The following TGFB3 variants were observed in gnomAD, a reference collection of about 807,000 sequenced individuals.
TGFB3 encodes the protein transforming growth factor beta 3.
TGFB3 carries 5 observed loss-of-function variants against 40.1 expected under a neutral mutation model. That is an observed-to-expected ratio of 0.12 (90% CI 0.07 to 0.26). The LOEUF (loss-of-function observed/expected upper bound fraction) is 0.26, where lower values mean the gene tolerates loss of function less well. Ranked by LOEUF, TGFB3 falls within the 10% of genes least tolerant of loss-of-function variation. The pLI, the probability that TGFB3 is intolerant of heterozygous loss-of-function variation, is 1.00. For missense variants in TGFB3, 373 were observed against 530.1 expected (o/e 0.70, Z 2.91); for synonymous variants, 184 against 205.6 (o/e 0.89, Z 0.90).
In TGFB3 at chr14:75,958,252, C is replaced by T. The variant is rs548352440; in HGVS notation, c.*935G>A. On this transcript the variant is annotated 3_prime_UTR_variant, in exon 7 of 7. Transcript: ENST00000238682. ...AGTCTATGCGTCTGGGGCCAAGTCA[C>T]TGTGTGGCACATGTGCAGCTTCCCC... is the stretch of plus-strand genomic sequence containing the variant. 1 of 152,660 alleles carries T rather than the reference C, an allele frequency of 6.6e-6. No individual in the cohort carries two copies. Among genetic ancestry groups the T allele is most frequent in the Non-Finnish European group, 1.5e-5 (1 of 68,060 alleles). The allele number at this position is 152,660 out of a possible 1,614,324, so 9.5% of individuals were successfully genotyped here. A position where few individuals can be genotyped will look rare whatever the true frequency, so the allele number is the denominator to read the frequency against.
At chr14:75,959,658 C>A (rs1252493565) in intron 6 of TGFB3, among the ~76,000 whole-genome samples, 2 of 151,850 alleles carry the variant, frequency 1.3e-5, no homozygotes, top group Non-Finnish European at 2.9e-5. Flanking sequence ...GTAATCCCAG[C>A]TACTTGGGAG....
chr14:75,974,779 A>AAG lies in TGFB3; in HGVS notation c.353-3062_353-3061insCT, dbSNP rs1555361015. Among the ~76,000 whole-genome samples, 623 of 148,358 alleles carry AAG rather than the reference A, an allele frequency of 4.2e-3. 1 individual carries two copies. The highest frequency in any genetic ancestry group is 0.01 in the Middle Eastern group (3 of 294). ...GACTCCATCTCAAAAAAAAAAAAAA[A>AAG]AAGAAGAAGAAGAAGAAGAATTGGC... On this transcript the variant is annotated intron_variant, in intron 1 of 6. Transcript: ENST00000238682.
Position 75,980,898 on chromosome 14 carries a change from G to T in TGFB3, c.-5C>A. ...CCTTTGCAAGTGCATCTTCATGTGT[G>T]AGCTGGGAAGAGAGGCCAGGGGGAC... On this transcript the variant is annotated 5_prime_UTR_variant, in exon 1 of 7. Transcript: ENST00000238682. This position sits in a 1 kb window ranked among gnomAD's most constrained non-coding sequence, Gnocchi z 4.3. The T allele has an allele frequency of 6.2e-7, 1 of 1,613,524 alleles. No individual in the cohort carries two copies. Among genetic ancestry groups the T allele is most frequent in the Non-Finnish European group, 8.5e-7 (1 of 1,179,632 alleles).
chr14:75,958,694 A>C lies in TGFB3; in HGVS notation c.*493T>G. On this transcript the variant is annotated 3_prime_UTR_variant, in exon 7 of 7. Coordinates refer to ENST00000238682, the MANE Select transcript of TGFB3 (RefSeq NM_003239.5). ...TACAATTCTGGGACTTTGTCTTCGT[A>C]ACCTGTCTTTAAAAAAAAAAAAAAA... 1 of 210,508 alleles carries C rather than the reference A, an allele frequency of 4.8e-6. No homozygotes were observed. The highest frequency in any genetic ancestry group is 2.3e-5 in the African/African-American group (1 of 43,080). The allele number at this position is 210,508 out of a possible 1,614,324, so 13.0% of individuals were successfully genotyped here.
intron 6 of TGFB3, chr14:75,960,515 T>C: frequency 5.0e-6 from 1 of 198,230 alleles, no homozygotes. Context: ...CAAATTAGCT[T>C]CTTGTCCATC....
chr14:75,975,342 T>C (rs1304816414), intron 1 of TGFB3, among the ~76,000 whole-genome samples: 17 of 151,332 alleles, frequency 1.1e-4, no homozygotes, highest in Admixed American at 1.1e-3. Context: ...CACTCCAGGC[T>C]GGGTGACAGA....
Position 75,959,085 on chromosome 14 carries a change from C to T in TGFB3, c.*102G>A. 6.7e-7 allele frequency: 1 copy of T among 1,490,784 alleles called. No individual in the cohort carries two copies. The highest frequency in any genetic ancestry group is 9.3e-7 in the Non-Finnish European group (1 of 1,070,578). The allele number at this position is 1,490,784 out of a possible 1,614,324, so 92.3% of individuals were successfully genotyped here. A position where few individuals can be genotyped will look rare whatever the true frequency, so the allele number is the denominator to read the frequency against. ...TTTGCCCGGAGCCGAAGGTTGTGGG[C>T]TCCAGGCCTCTCAGTGAGGTTTGTT... On this transcript the variant is annotated 3_prime_UTR_variant, in exon 7 of 7. Coordinates refer to ENST00000238682, the MANE Select transcript of TGFB3 (RefSeq NM_003239.5).
At chr14:75,967,620 G>T (rs1218615805) in intron 3 of TGFB3, among the ~76,000 whole-genome samples, 1 of 152,204 alleles carries the variant, frequency 6.6e-6, no homozygotes, top group Non-Finnish European at 1.5e-5. Context: ...GTAAGCACAA[G>T]AGGGTGGCCT....
Position 75,971,847 on chromosome 14 carries a change from CG to C in TGFB3, c.353-130del, listed in dbSNP as rs2035298426. ...TCCCTAGAGGCTTGAGGCCTCAGACCGCAAGGTGGAGATACGAGGAAGATTC... is the reference window on the plus strand; with the variant it reads ...TCCCTAGAGGCTTGAGGCCTCAGACCCAAGGTGGAGATACGAGGAAGATTC... On this transcript the variant is annotated intron_variant, in intron 1 of 6. Transcript: ENST00000238682. This position sits in a 1 kb window ranked among gnomAD's most constrained non-coding sequence, Gnocchi z 4.5. The C allele has an allele frequency of 5.2e-6, 5 of 962,978 alleles. No homozygotes were observed. The African/African-American group carries it at 8.1e-5, about 16-fold the overall frequency. The allele number at this position is 962,978 out of a possible 1,614,324, so 59.7% of individuals were successfully genotyped here.
intron 1 of TGFB3, among the ~76,000 whole-genome samples, chr14:75,973,467 T>C (rs1555360944): frequency 6.6e-6 from 1 of 152,246 alleles, no homozygotes; most frequent in Non-Finnish European, 1.5e-5. Context: ...TGCCAACGAT[T>C]CCCTAAACCA....
In TGFB3 at chr14:75,980,555, C is replaced by T. The variant is rs886050798; in HGVS notation, c.339G>A (p.Gly113=). 4.3e-6 allele frequency: 7 copies of T among 1,614,126 alleles called. No homozygotes were observed. The highest frequency in any genetic ancestry group is 1.3e-5 in the African/African-American group (1 of 74,948). ...KEIHKFDMIQ[G]LAEHNELAVC... is the part of the protein sequence containing the mutation. ...ATTTGGACTTACTGTGCTCCGCCAGCCCCTGGATCATGTCGAATTTATGGA... is the reference window on the plus strand; with the variant it reads ...ATTTGGACTTACTGTGCTCCGCCAGTCCCTGGATCATGTCGAATTTATGGA... Residue 113 remains glycine (G), a synonymous_variant, in exon 1 of 7, where the codon GGG becomes GGA. Transcript: ENST00000238682. The surrounding 1 kb of genome is among the most constrained non-coding windows in gnomAD (Gnocchi z 4.3).
At chr14:75,962,467 T>C (rs1018244544) in intron 5 of TGFB3, among the ~76,000 whole-genome samples, 2 of 152,148 alleles carry the variant, frequency 1.3e-5, no homozygotes, top group Non-Finnish European at 2.9e-5. Flanking sequence ...TATTTCCCAA[T>C]TCGTTCTCCC....
intron 5 of TGFB3, among the ~76,000 whole-genome samples, chr14:75,961,598 T>C (rs2035157458): frequency 1.3e-5 from 2 of 152,216 alleles, no homozygotes; most frequent in Admixed American, 6.5e-5. Flanking sequence ...AATGTGATTA[T>C]CAGGCCCCTT....
At chr14:75,965,740 T>TG in intron 3 of TGFB3, 45 bp from the exon 4 acceptor site, 1 of 1,510,976 alleles carries the variant, frequency 6.6e-7, no homozygotes, top group Non-Finnish European at 9.2e-7. Context: ...CTCTGTGTGA[T>TG]GGGGAAGTGT....
intron 3 of TGFB3, among the ~76,000 whole-genome samples, chr14:75,969,606 CA>C (rs1447283445): frequency 6.6e-6 from 1 of 152,136 alleles, no homozygotes; most frequent in Non-Finnish European, 1.5e-5. Flanking sequence ...GAGGAGGAAC[CA>C]TTGCCTGATT....
At chr14:75,959,401 C>A in intron 6 of TGFB3, 56 bp from the exon 7 acceptor site, 1 of 1,608,654 alleles carries the variant, frequency 6.2e-7, no homozygotes, top group Non-Finnish European at 8.5e-7. Flanking sequence ...GCCTGGAACC[C>A]AGGAAGTCGC....
At chr14:75,977,482 A>G (rs1189198648) in intron 1 of TGFB3, among the ~76,000 whole-genome samples, 1 of 152,216 alleles carries the variant, frequency 6.6e-6, no homozygotes, top group Non-Finnish European at 1.5e-5. Context: ...AAATTCTTTC[A>G]GCTGAAAAGG....
At chr14:75,970,831 C>A in intron 3 of TGFB3, 1 of 387,208 alleles carries the variant, frequency 2.6e-6, no homozygotes, top group Non-Finnish European at 5.0e-6. Context: ...GATGTCAATG[C>A]ATGAATTTCT....
chr14:75,982,399 G>C (rs2035447132), upstream of TGFB3, among the ~76,000 whole-genome samples: 1 of 152,194 alleles, frequency 6.6e-6, no homozygotes, highest in African/African-American at 2.4e-5. The surrounding 1 kb of genome is among the most constrained non-coding windows in gnomAD (Gnocchi z 4.0). Flanking sequence ...AGGGTCCGCA[G>C]AGGGCGCGGG....
Sources: gnomAD v4.1 joint callset for allele counts (sites outside exome capture counted in the v4.1 genomes callset) on GRCh38, gnomAD v4.1.1 for gene constraint, Gnocchi (gnomAD v3.1) non-coding constraint, MANE v1.5 for transcripts, NCBI Gene and HGNC (gene_info 2026-07-23, HGNC 2026-07-21) for gene names.